DNER: variants seen among roughly 807,000 people sequenced by gnomAD.
DNER encodes delta/notch like EGF repeat containing.
In DNER, 33 loss-of-function variants were observed where a neutral mutation model predicts 78.2. The ratio of observed to expected loss-of-function variants is 0.42; its 90% CI spans 0.32 to 0.56. DNER has a LOEUF of 0.56. DNER is among the 20% of genes least tolerant of loss of function. DNER has a pLI of 0.11. For synonymous variants in DNER, 417 were observed against 384.8 expected (o/e 1.08, Z -0.98); for missense variants, 918 against 975.3 (o/e 0.94, Z 0.78).
chr2:229,522,772 G>C (rs1193173093), intron 5 of DNER, among the ~76,000 whole-genome samples: 2 of 152,238 alleles, frequency 1.3e-5, no homozygotes, highest in Non-Finnish European at 2.9e-5. Flanking sequence ...TCTTCCTAAA[G>C]ATGGAAAGCC....
intron 1 of DNER, among the ~76,000 whole-genome samples, chr2:229,642,901 G>A (rs886810498): frequency 4.6e-5 from 7 of 152,194 alleles, no homozygotes; most frequent in African/African-American, 1.7e-4. Context: ...GAGGGCCAGG[G>A]AAGCACATAG....
At chr2:229,516,607 AAT>A (rs1695976557) in intron 5 of DNER, among the ~76,000 whole-genome samples, 1 of 152,046 alleles carries the variant, frequency 6.6e-6, no homozygotes, top group South Asian at 2.1e-4. Context: ...CTTGAAGTCA[AAT>A]ATGCCATTTG....
At chr2:229,673,387 C>T (rs1378148808) in intron 1 of DNER, among the ~76,000 whole-genome samples, 1 of 152,166 alleles carries the variant, frequency 6.6e-6, no homozygotes, top group African/African-American at 2.4e-5. Flanking sequence ...CCTGTGAAAC[C>T]AACGTGGCCC....
intron 1 of DNER, among the ~76,000 whole-genome samples, chr2:229,642,474 T>C (rs1698643085): frequency 6.6e-6 from 1 of 152,182 alleles, no homozygotes; most frequent in Non-Finnish European, 1.5e-5. Flanking sequence ...CTGTTGGGCA[T>C]AAACATCAAG....
At chr2:229,614,541 C>T (rs766908940) in intron 1 of DNER, among the ~76,000 whole-genome samples, 7 of 152,182 alleles carry the variant, frequency 4.6e-5, no homozygotes, top group African/African-American at 7.2e-5. Context: ...TCCTACAGGA[C>T]GTTTTTATTA....
chr2:229,479,968 G>C (rs1695121062), intron 6 of DNER, among the ~76,000 whole-genome samples: 1 of 152,174 alleles, frequency 6.6e-6, no homozygotes, highest in Admixed American at 6.5e-5. Flanking sequence ...TCCCCGGAAA[G>C]ATGTCAGAAT....
chr2:229,672,561 G>A (rs1459295450), intron 1 of DNER, among the ~76,000 whole-genome samples: 1 of 151,492 alleles, frequency 6.6e-6, no homozygotes, highest in African/African-American at 2.4e-5. Flanking sequence ...ACTAGGAGGA[G>A]GAGGAAGAGG....
chr2:229,438,561 C>T (rs943882039), intron 8 of DNER, among the ~76,000 whole-genome samples: 2 of 152,210 alleles, frequency 1.3e-5, no homozygotes, highest in Non-Finnish European at 2.9e-5. Context: ...GTGTTTGGCA[C>T]ACAGTCTATT....
chr2:229,434,837 A>G (rs1694086918), intron 8 of DNER, among the ~76,000 whole-genome samples: 1 of 151,932 alleles, frequency 6.6e-6, no homozygotes, highest in Non-Finnish European at 1.5e-5. Context: ...TTTCTTTTCA[A>G]GCAACCAAAG....
rs115623062 is a variant in DNER at position 229,557,177 on chromosome 2, A to G, written c.848-10085T>C. 1.8e-3 allele frequency among the ~76,000 whole-genome samples: 277 copies of G among 152,346 alleles called. 3 individuals are homozygous for G. The highest frequency in any genetic ancestry group is 6.3e-3 in the African/African-American group (261 of 41,588). Reference sequence around the variant, plus strand: ...AAAGAAGGAAGTTCTTTGGGGCTTTATAAAAGAGTGATCATTTGAGAGCTG... The same window carrying G: ...AAAGAAGGAAGTTCTTTGGGGCTTTGTAAAAGAGTGATCATTTGAGAGCTG... On this transcript the variant is annotated intron_variant, in intron 4 of 12. Transcript: ENST00000341772.
intron 8 of DNER, among the ~76,000 whole-genome samples, chr2:229,430,734 C>A (rs1004279679): frequency 1.3e-5 from 2 of 150,320 alleles, no homozygotes; most frequent in Non-Finnish European, 3.0e-5. Context: ...CTGTAGAGAA[C>A]CCTGACTAAT....
rs140657565 is a variant in DNER at position 229,421,659 on chromosome 2, A to AAAGAGG, written c.1487-3430_1487-3429insCCTCTT. Among the ~76,000 whole-genome samples the AAAGAGG allele has an allele frequency of 6.0e-4, 87 of 144,622 alleles. No homozygotes were observed. In the East Asian group the frequency reaches 0.017, roughly 28 times the overall value. 94.9% of individuals were successfully genotyped at this position (144,622 alleles called of 152,430 possible). ...TATATATATATAGAGAGAGAGAGAG[A>AAAGAGG]GAGAAAGTGGGAGAGAGAGTAAAAA... On this transcript the variant is annotated intron_variant, in intron 8 of 12. Transcript: ENST00000341772.
intron 8 of DNER, among the ~76,000 whole-genome samples, chr2:229,426,468 A>G (rs1280348326): frequency 6.9e-6 from 1 of 145,324 alleles, no homozygotes; most frequent in Non-Finnish European, 1.5e-5. Flanking sequence ...AAAAAAAGAT[A>G]TGGGTCACAG....
At chr2:229,567,708 C>T (rs1697139831) in intron 4 of DNER, among the ~76,000 whole-genome samples, 1 of 152,164 alleles carries the variant, frequency 6.6e-6, no homozygotes. Flanking sequence ...TGCCACCGAT[C>T]CTGCTTTGAG....
At position 229,650,415 on chromosome 2, in the gene DNER, G is replaced by A. The variant is rs182536937; in HGVS notation, c.277-58527C>T. ...ACCCATCACCAAGGACAGGGAAAAG[G>A]TTTTGCAAATGAAAACACATTTCCG... On this transcript the variant is annotated intron_variant, in intron 1 of 12. Transcript: ENST00000341772. 4.2e-4 allele frequency among the ~76,000 whole-genome samples: 64 copies of A among 152,298 alleles called. 1 individual carries two copies. The South Asian group carries it at 0.011, about 26-fold the overall frequency.
At chr2:229,655,930 G>T (rs1410949140) in intron 1 of DNER, among the ~76,000 whole-genome samples, 1 of 152,008 alleles carries the variant, frequency 6.6e-6, no homozygotes, top group Non-Finnish European at 1.5e-5. Context: ...ACGTTAAGCT[G>T]CCACAACCCA....
chr2:229,383,432 T>C (rs1692791030), intron 11 of DNER, among the ~76,000 whole-genome samples: 1 of 152,142 alleles, frequency 6.6e-6, no homozygotes, highest in Non-Finnish European at 1.5e-5. Context: ...TAAATGTAAA[T>C]GGGCTAAATG....
chr2:229,573,247 T>C (rs1293070561), intron 4 of DNER, among the ~76,000 whole-genome samples: 1 of 152,200 alleles, frequency 6.6e-6, no homozygotes, highest in African/African-American at 2.4e-5. Context: ...CATGTGAGGA[T>C]TGCTTGTGAA....
intron 1 of DNER, among the ~76,000 whole-genome samples, chr2:229,629,668 G>T (rs1323210347): frequency 6.6e-6 from 1 of 152,136 alleles, no homozygotes; most frequent in Non-Finnish European, 1.5e-5. Context: ...GCAAACAAAA[G>T]AAATCACAAT....
Sources: allele counts gnomAD v4.1 joint callset (sites outside exome capture counted in the v4.1 genomes callset), GRCh38; gene constraint gnomAD v4.1.1; transcripts MANE v1.5; gene names NCBI Gene and HGNC (gene_info 2026-07-23, HGNC 2026-07-21).